Variants in ZFHX3 observed in about 807,000 individuals in gnomAD.
ZFHX3 encodes zinc finger homeobox 3, also known as zinc finger homeobox protein 3.
Under a neutral mutation model 279.1 loss-of-function variants are expected in ZFHX3, and 42 were observed. That is an observed-to-expected ratio of 0.15 (90% confidence interval 0.12 to 0.19). The LOEUF (loss-of-function observed/expected upper bound fraction) is 0.19, where lower values mean the gene tolerates loss of function less well. Ranked by LOEUF, ZFHX3 falls within the 10% of genes least tolerant of loss-of-function variation. The pLI is 1.00. For missense variants in ZFHX3, 4,981 were observed against 4,754.0 expected, an observed-to-expected ratio of 1.05 and a Z score of -1.40; for synonymous variants, 2,293 against 1,957.8, an observed-to-expected ratio of 1.17 and a Z score of -4.52.
chr16:73,720,906 T>G (rs897333083), intron 1 of ZFHX3, among the ~76,000 whole-genome samples: 2 of 152,168 alleles, frequency 1.3e-5, no homozygotes, highest in African/African-American at 4.8e-5. Flanking sequence ...CAAGTTAATA[T>G]CCCTAACTTT....
intron 1 of ZFHX3, among the ~76,000 whole-genome samples, chr16:73,043,367 G>A (rs1329711016): frequency 6.6e-6 from 1 of 152,186 alleles, no homozygotes; most frequent in East Asian, 1.9e-4. Context: ...CCGGGCTGGA[G>A]TTAAAACCAA....
chr16:72,944,209 T>C (rs755266305), intron 3 of ZFHX3, among the ~76,000 whole-genome samples: 6 of 152,046 alleles, frequency 3.9e-5, no homozygotes, highest in Non-Finnish European at 7.4e-5. Context: ...CACTTGAGCC[T>C]GGGAGGCAGA....
At chr16:73,164,579 A>C (rs926881969) in intron 5 of ZFHX3, among the ~76,000 whole-genome samples, 1 of 152,130 alleles carries the variant, frequency 6.6e-6, no homozygotes, top group Admixed American at 6.5e-5. Context: ...ATATGCCTGT[A>C]ATCTCAGCTA....
chr16:73,490,406 A>C (rs935392046), intron 2 of ZFHX3, among the ~76,000 whole-genome samples: 2 of 152,236 alleles, frequency 1.3e-5, no homozygotes, highest in African/African-American at 2.4e-5. Flanking sequence ...ATGCTACTAA[A>C]AATTTTATTT....
In ZFHX3 at chr16:72,797,235, G is replaced by A; in HGVS notation, c.5447C>T (p.Pro1816Leu). Residue 1816 changes from proline to leucine, a missense_variant, in exon 9 of 10, where the codon CCA (proline) becomes CTA (leucine). This residue lies in a region of ZFHX3 where 1,751 missense variants were observed against 1,770.0 expected (regional missense o/e 0.99). Coordinates refer to ENST00000268489, the MANE Select transcript of ZFHX3 (RefSeq NM_006885.4). ...CAGTGTCAGTGCCCCACTGGTCACT[G>A]GCAAGCTCACCTCGGGGTTAAGCTG... is the stretch of plus-strand genomic sequence containing the variant. Reference protein sequence around the residue: ...EFQLNPEVSLPVTSGALTLTG... With the variant: ...EFQLNPEVSLLVTSGALTLTG... 1 of 1,613,950 alleles carries A rather than the reference G, an allele frequency of 6.2e-7. No homozygotes were observed. The highest frequency in any genetic ancestry group is 8.5e-7 in the Non-Finnish European group (1 of 1,179,950).
chr16:73,270,904 G>C (rs1469066798), intron 4 of ZFHX3, among the ~76,000 whole-genome samples: 9 of 152,326 alleles, frequency 5.9e-5, no homozygotes, highest in Admixed American at 2.0e-4. Flanking sequence ...CACTCGAAAA[G>C]ATCTCTAAAC....
exon 1 of ZFHX3, chr16:73,059,122 C>A (rs146875021): frequency 1.3e-5 from 2 of 150,600 alleles, no homozygotes; most frequent in Admixed American, 6.7e-5. Flanking sequence ...TACCCAGGCA[C>A]GACGGGAAGG....
chr16:72,964,614 T>C (rs1961741656), intron 1 of ZFHX3, among the ~76,000 whole-genome samples: 2 of 150,616 alleles, frequency 1.3e-5, no homozygotes, highest in South Asian at 4.2e-4. Flanking sequence ...TGCAGTGAGC[T>C]ACGATCGGGC....
At chr16:73,855,385 C>T (rs1208709401) in intron 1 of ZFHX3, among the ~76,000 whole-genome samples, 1 of 152,148 alleles carries the variant, frequency 6.6e-6, no homozygotes, top group Non-Finnish European at 1.5e-5. Flanking sequence ...CATTCAGTGG[C>T]CTTCCTGAAT....
At chr16:73,233,405 C>T (rs1399270375) in intron 5 of ZFHX3, among the ~76,000 whole-genome samples, 1 of 152,166 alleles carries the variant, frequency 6.6e-6, no homozygotes, top group Admixed American at 6.5e-5. Context: ...TTATGGGAGG[C>T]TTCTGCTTCA....
At chr16:73,736,580 G>A (rs2053611913) in intron 1 of ZFHX3, among the ~76,000 whole-genome samples, 1 of 151,154 alleles carries the variant, frequency 6.6e-6, no homozygotes, top group South Asian at 2.1e-4. Flanking sequence ...AATACAGAGA[G>A]GGAAATCAGA....
chr16:73,472,602 C>G (rs1862772), intron 2 of ZFHX3, among the ~76,000 whole-genome samples: 45,353 of 152,172 alleles, frequency 0.3, 9,103 homozygotes, highest in Non-Finnish European at 0.45. Context: ...TTCATTTTCC[C>G]TCCTTCTCCG....
At chr16:73,235,465 A>G (rs2012914002) in intron 5 of ZFHX3, among the ~76,000 whole-genome samples, 1 of 152,146 alleles carries the variant, frequency 6.6e-6, no homozygotes, top group South Asian at 2.1e-4. Flanking sequence ...GCTTTAAACC[A>G]GGGGTCATAA....
chr16:73,875,191 T>C (rs1052854107), intron 1 of ZFHX3, among the ~76,000 whole-genome samples: 7 of 152,178 alleles, frequency 4.6e-5, no homozygotes, highest in African/African-American at 1.7e-4. Context: ...CATAAAAAGA[T>C]AAGATTTATC....
chr16:72,833,102 C>T (rs1480934614), intron 4 of ZFHX3, among the ~76,000 whole-genome samples: 2 of 152,138 alleles, frequency 1.3e-5, no homozygotes, highest in Non-Finnish European at 2.9e-5. Flanking sequence ...TTATTGGTTC[C>T]GAAAGCATAA....
rs959019061 is a variant in ZFHX3 at position 73,486,814 on chromosome 16, G to A, written c.-1546-30556C>T. The A allele has an allele frequency of 9.0e-5, 41 of 455,712 alleles. 1 individual carries two copies. The highest frequency in any genetic ancestry group is 6.6e-4 in the African/African-American group (33 of 49,978). The allele number at this position is 455,712 out of a possible 1,614,324, so 28.2% of individuals were successfully genotyped here. A position where few individuals can be genotyped will look rare whatever the true frequency, so the allele number is the denominator to read the frequency against. ...GAAAGAATCCATCGTTCAATGTACC[G>A]TGGTCCACTCTGCACTTTAGGGTCT... On this transcript the variant is annotated intron_variant, in intron 2 of 17. Transcript: ENST00000641206.
intron 7 of ZFHX3, among the ~76,000 whole-genome samples, chr16:73,102,812 G>A (rs1597157180): frequency 6.6e-6 from 1 of 152,178 alleles, no homozygotes; most frequent in African/African-American, 2.4e-5. Flanking sequence ...CTTACAGGTT[G>A]TTATAAAGGT....
At chr16:72,873,419 T>C (rs1567558250) in intron 4 of ZFHX3, among the ~76,000 whole-genome samples, 1 of 152,218 alleles carries the variant, frequency 6.6e-6, no homozygotes, top group Non-Finnish European at 1.5e-5. Flanking sequence ...ACTTCCCTTT[T>C]CAATGAGAAT....
intron 2 of ZFHX3, among the ~76,000 whole-genome samples, chr16:73,461,288 T>C (rs766065413): frequency 6.6e-6 from 1 of 152,224 alleles, no homozygotes; most frequent in Non-Finnish European, 1.5e-5. Flanking sequence ...GTGTTCTTTA[T>C]ATAGTCTAAA....
Sources: gnomAD v4.1 joint callset for allele counts (sites outside exome capture counted in the v4.1 genomes callset) on GRCh38, gnomAD v4.1.1 for gene constraint, gnomAD v4.1.1 regional missense constraint, MANE v1.5 for transcripts, NCBI Gene and HGNC (gene_info 2026-07-23, HGNC 2026-07-21) for gene names.